Variants in KCNQ1 observed in about 807,000 individuals in gnomAD.
The protein encoded by KCNQ1 is potassium voltage-gated channel subfamily KQT member 1.
A neutral mutation model predicts 72.4 loss-of-function variants in KCNQ1; 49 were observed. That is an observed-to-expected ratio of 0.68 (90% CI 0.54 to 0.86). The LOEUF (loss-of-function observed/expected upper bound fraction) is 0.86, where lower values mean the gene tolerates loss of function less well. Among genes scored for constraint, KCNQ1 ranks in the 40% least tolerant of loss-of-function variants. KCNQ1 has a pLI of 0.00. For missense variants in KCNQ1, 790 were observed against 945.1 expected (o/e 0.84, Z 2.15); for synonymous variants, 450 against 412.6 (o/e 1.09, Z -1.10).
At chr11:2,631,441 T>C (rs35469749) in intron 10 of KCNQ1, 10,119 of 398,534 alleles carry the variant, frequency 0.025, 194 homozygotes, top group Middle Eastern at 0.044. Flanking sequence ...TTTTTTAGGA[T>C]TTCTATTTCT....
intron 15 of KCNQ1, among the ~76,000 whole-genome samples, chr11:2,812,730 T>TTCCATGGCC (rs2134042261): frequency 6.6e-6 from 1 of 152,254 alleles, no homozygotes; most frequent in South Asian, 2.1e-4. Flanking sequence ...CCAGGCACCC[T>TTCCATGGCC]TCCATGGCCG....
At chr11:2,832,217 C>T (rs1270248891) in intron 15 of KCNQ1, among the ~76,000 whole-genome samples, 2 of 152,214 alleles carry the variant, frequency 1.3e-5, no homozygotes, top group African/African-American at 4.8e-5. Context: ...TGGGGGTTGC[C>T]CGGCATCTTG....
In KCNQ1 at chr11:2,612,553, GTTA is replaced by G. The variant is rs1388825054; in HGVS notation, c.1393+23704_1393+23706del. ...CCGCACTAGTGAGTTTTTCACCTAAGTTATTATATTTCACAACTACAGAATTTC... is the reference window on the plus strand; with the variant it reads ...CCGCACTAGTGAGTTTTTCACCTAAGTTATATTTCACAACTACAGAATTTC... On this transcript the variant is annotated intron_variant, in intron 10 of 15. Transcript: ENST00000155840. The surrounding 1 kb of genome is among the most constrained non-coding windows in gnomAD (Gnocchi z 5.5). The G allele has an allele frequency of 1.3e-5, 5 of 398,534 alleles. No individual in the cohort carries two copies. The highest frequency in any genetic ancestry group is 2.1e-5 in the African/African-American group (1 of 48,748). The allele number at this position is 398,534 out of a possible 1,614,324, so 24.7% of individuals were successfully genotyped here.
Position 2,510,292 on chromosome 11 carries a change from T to A in KCNQ1, c.387-17636T>A, listed in dbSNP as rs180992477. On this transcript the variant is annotated intron_variant, in intron 1 of 15. Coordinates refer to ENST00000155840, the MANE Select transcript of KCNQ1 (RefSeq NM_000218.3). ...AGACCCTGTGTCTAAAAAAAAAAAA[T>A]TTTTAAATAAATAAATAAAGGTTTG... Among the ~76,000 whole-genome samples, 1,139 of 141,506 alleles carry A rather than the reference T, an allele frequency of 8.0e-3. 18 individuals carry two copies. Among genetic ancestry groups the A allele is most frequent in the African/African-American group, 0.032 (1,085 of 34,292 alleles). The allele number at this position is 141,506 out of a possible 152,430, so 92.8% of individuals were successfully genotyped here.
At chr11:2,568,328 C>G (rs1002677142) in intron 2 of KCNQ1, among the ~76,000 whole-genome samples, 6 of 152,054 alleles carry the variant, frequency 3.9e-5, no homozygotes, top group African/African-American at 1.4e-4. Context: ...AAGAAAAACC[C>G]TGCTAAGGGC....
At chr11:2,586,293 G>A (rs1848591162) in intron 8 of KCNQ1, among the ~76,000 whole-genome samples, 1 of 152,212 alleles carries the variant, frequency 6.6e-6, no homozygotes, top group Admixed American at 6.5e-5. Flanking sequence ...GGCTGTCAGG[G>A]GCCAGTCGCA....
rs1011554730 is a variant in KCNQ1 at position 2,809,892 on chromosome 11, C to T, written c.1794+31855C>T. Among the ~76,000 whole-genome samples the T allele has an allele frequency of 2.0e-5, 3 of 152,042 alleles. No homozygotes were observed. The highest frequency in any genetic ancestry group is 7.3e-5 in the African/African-American group (3 of 41,374). Reference sequence around the variant, plus strand: ...GCCATCCTAGATTGGGTTTACTGTTCCCTGGTACTCAGACCTGCTTAATGC... The same window carrying T: ...GCCATCCTAGATTGGGTTTACTGTTTCCTGGTACTCAGACCTGCTTAATGC... On this transcript the variant is annotated intron_variant, in intron 15 of 15. Coordinates refer to ENST00000155840, the MANE Select transcript of KCNQ1 (RefSeq NM_000218.3). The surrounding 1 kb of genome is among the most constrained non-coding windows in gnomAD (Gnocchi z 7.1).
rs554196156 is a variant in KCNQ1 at position 2,826,981 on chromosome 11, C to T, written c.1795-20786C>T. ...CATCTCCAAGGAGGTGACATCGGAG[C>T]AGTCCTCTAAGGAGTTTGGAGTCAT... is the stretch of plus-strand genomic sequence containing the variant. On this transcript the variant is annotated intron_variant, in intron 15 of 15. Coordinates refer to ENST00000155840, the MANE Select transcript of KCNQ1 (RefSeq NM_000218.3). This position sits in a 1 kb window ranked among gnomAD's most constrained non-coding sequence, Gnocchi z 4.2. 3.4e-4 allele frequency among the ~76,000 whole-genome samples: 52 copies of T among 152,316 alleles called. No homozygotes were observed. Among genetic ancestry groups the T allele is most frequent in the African/African-American group, 1.1e-3 (46 of 41,560 alleles).
At chr11:2,721,277 CG>C (rs1564871139) in intron 11 of KCNQ1, among the ~76,000 whole-genome samples, 1 of 152,172 alleles carries the variant, frequency 6.6e-6, no homozygotes, top group Non-Finnish European at 1.5e-5. Flanking sequence ...GGCAGCACTT[CG>C]GGGGTTGAAA....
At chr11:2,576,865 C>T (rs912050395) in intron 6 of KCNQ1, among the ~76,000 whole-genome samples, 11 of 152,362 alleles carry the variant, frequency 7.2e-5, no homozygotes, top group East Asian at 1.9e-4. Context: ...GGCCACCCAC[C>T]GAGCCCCTGG....
rs141756020 is a variant in KCNQ1, at chr11:2,457,350, A to T, written c.386+11866A>T. On this transcript the variant is annotated intron_variant, in intron 1 of 15. Transcript: ENST00000155840. This position sits in a 1 kb window ranked among gnomAD's most constrained non-coding sequence, Gnocchi z 5.0. ...TCTACCAAAAAGACATATGCACCTAAACATTCATGGCAGAAAGACATGAGT... is the reference window on the plus strand; with the variant it reads ...TCTACCAAAAAGACATATGCACCTATACATTCATGGCAGAAAGACATGAGT... 5.3e-3 allele frequency among the ~76,000 whole-genome samples: 810 copies of T among 152,342 alleles called. 5 individuals carry two copies. The highest frequency in any genetic ancestry group is 0.018 in the African/African-American group (752 of 41,578).
Position 2,715,869 on chromosome 11 carries a change from A to G in KCNQ1, c.1515-52975A>G, listed in dbSNP as rs1401768034. Among the ~76,000 whole-genome samples the G allele has an allele frequency of 6.6e-6, 1 of 152,160 alleles. No individual in the cohort carries two copies. The highest frequency in any genetic ancestry group is 1.5e-5 in the Non-Finnish European group (1 of 68,012). On this transcript the variant is annotated intron_variant, in intron 11 of 15. Coordinates refer to ENST00000155840, the MANE Select transcript of KCNQ1 (RefSeq NM_000218.3). This position sits in a 1 kb window ranked among gnomAD's most constrained non-coding sequence, Gnocchi z 4.9. ...GCCTCCTGAGGTTGAGGGTGGCCAC[A>G]CCAGCCAGAGCTTGGGTGATTGAGT...
At position 2,684,407 on chromosome 11, in the gene KCNQ1, T is replaced by C. The variant is rs1590030606; in HGVS notation, c.1514+22326T>C. ...CAGTGGGGTCCATCCCCCTGATTCCTCAGTGCCCCAGCACCACCTCTTTCA... is the reference window on the plus strand; with the variant it reads ...CAGTGGGGTCCATCCCCCTGATTCCCCAGTGCCCCAGCACCACCTCTTTCA... On this transcript the variant is annotated intron_variant, in intron 11 of 15. Transcript: ENST00000155840. 8 of 398,654 alleles carry C rather than the reference T, an allele frequency of 2.0e-5. No individual in the cohort carries two copies. In the East Asian group the frequency reaches 2.8e-4, roughly 14 times the overall value. 24.7% of individuals were successfully genotyped at this position (398,654 alleles called of 1,614,324 possible).
intron 2 of KCNQ1, among the ~76,000 whole-genome samples, chr11:2,546,152 G>GT (rs1385905432): frequency 2.0e-5 from 3 of 151,258 alleles, no homozygotes; most frequent in Admixed American, 2.0e-4. Flanking sequence ...CAAATTTTGT[G>GT]TTTTTTTATC....
chr11:2,779,646 G>A (rs1349961141), intron 15 of KCNQ1, among the ~76,000 whole-genome samples: 1 of 152,182 alleles, frequency 6.6e-6, no homozygotes, highest in Non-Finnish European at 1.5e-5. Context: ...CCTGCTCCAT[G>A]GGACAGGCCA....
rs1029670466 is a variant in KCNQ1, at chr11:2,608,626, G to C, written c.1393+19772G>C. 1 of 398,348 alleles carries C rather than the reference G, an allele frequency of 2.5e-6. No homozygotes were observed. The highest frequency in any genetic ancestry group is 2.1e-5 in the African/African-American group (1 of 48,560). 24.7% of individuals were successfully genotyped at this position (398,348 alleles called of 1,614,324 possible). A position where few individuals can be genotyped will look rare whatever the true frequency, so the allele number is the denominator to read the frequency against. On this transcript the variant is annotated intron_variant, in intron 10 of 15. Transcript: ENST00000155840. The surrounding 1 kb of genome is among the most constrained non-coding windows in gnomAD (Gnocchi z 4.6). ...ACAGGTGTGCACCACAACACCAGCT[G>C]TTATTCAAAAAATATTTTGTAGAGA...
intron 11 of KCNQ1, among the ~76,000 whole-genome samples, chr11:2,744,735 T>C (rs74465173): frequency 0.026 from 4,006 of 152,336 alleles, 184 homozygotes; most frequent in African/African-American, 0.091. Context: ...ACATGTGCTG[T>C]TGGGCAGTAT....
chr11:2,760,515 C>T lies in KCNQ1; in HGVS notation c.1515-8329C>T, dbSNP rs187332888. On this transcript the variant is annotated intron_variant, in intron 11 of 15. Coordinates refer to ENST00000155840, the MANE Select transcript of KCNQ1 (RefSeq NM_000218.3). ...ACGGCCAAGCCCCCGCTGGGCAGCA[C>T]GTCCCTTCCTCCTCTCCCAAGCTGG... 7.9e-5 allele frequency among the ~76,000 whole-genome samples: 12 copies of T among 152,328 alleles called. No individual in the cohort carries two copies. In the South Asian group the frequency reaches 1.7e-3, roughly 21 times the overall value.
chr11:2,448,819 C>T (rs1423885323), intron 1 of KCNQ1, among the ~76,000 whole-genome samples: 2 of 152,242 alleles, frequency 1.3e-5, no homozygotes, highest in Non-Finnish European at 2.9e-5. Context: ...TCACCTACAT[C>T]GCAGACCCGG....
Sources: allele counts gnomAD v4.1 joint callset (sites outside exome capture counted in the v4.1 genomes callset), GRCh38; gene constraint gnomAD v4.1.1; non-coding constraint Gnocchi (gnomAD v3.1); transcripts MANE v1.5; gene names NCBI Gene and HGNC (gene_info 2026-07-23, HGNC 2026-07-21).